UMAD1: variants seen among roughly 807,000 people sequenced by gnomAD.
UMAD1 encodes UBAP1-MVB12-associated (UMA)-domain containing protein 1.
A neutral mutation model predicts 6.1 loss-of-function variants in UMAD1; 8 were observed. That is an observed-to-expected ratio of 1.30 (90% CI 0.76 to 2.35). The LOEUF is 2.35. Among genes scored for constraint, UMAD1 ranks in the 30% most tolerant of loss-of-function variants. UMAD1 has a pLI of 0.00. For synonymous variants in UMAD1, 56 were observed against 31.4 expected, an observed-to-expected ratio of 1.78 and a Z score of -2.61; for missense variants, 130 against 78.4, an observed-to-expected ratio of 1.66 and a Z score of -2.49.
intron 2 of UMAD1, among the ~76,000 whole-genome samples, chr7:7,722,217 A>G (rs974596164): frequency 6.7e-6 from 1 of 150,318 alleles, no homozygotes; most frequent in African/African-American, 2.4e-5. Flanking sequence ...ATAGATATAT[A>G]CTATTAGTTC....
intron 2 of UMAD1, among the ~76,000 whole-genome samples, chr7:7,745,378 G>A (rs1196390202): frequency 2.0e-5 from 3 of 152,246 alleles, no homozygotes; most frequent in East Asian, 3.9e-4. Context: ...ATTATATCAC[G>A]ACTTTATTTT....
chr7:7,647,098 GTGTT>G (rs1423010793), intron 1 of UMAD1, among the ~76,000 whole-genome samples: 2 of 152,150 alleles, frequency 1.3e-5, no homozygotes, highest in African/African-American at 4.8e-5. Context: ...TATCTATTGA[GTGTT>G]TGGTAGTGTT....
At position 7,861,349 on chromosome 7, in the gene UMAD1, T is replaced by G. The variant is rs1784112350; in HGVS notation, c.157-15932T>G. Among the ~76,000 whole-genome samples, 3 of 152,264 alleles carry G rather than the reference T, an allele frequency of 2.0e-5. No individual in the cohort carries two copies. The South Asian group carries it at 6.2e-4, about 31-fold the overall frequency. On this transcript the variant is annotated intron_variant, in intron 3 of 3. Transcript: ENST00000682710. ...CAAGAAGGGACTCAGCCTCCTGCCATTCTGAATGGCCACTTCATCCTCATA... is the reference window on the plus strand; with the variant it reads ...CAAGAAGGGACTCAGCCTCCTGCCAGTCTGAATGGCCACTTCATCCTCATA...
At chr7:7,742,326 T>G (rs755250352) in intron 2 of UMAD1, 5 of 619,556 alleles carry the variant, frequency 8.1e-6, no homozygotes. Context: ...AATTTGATAG[T>G]GTAGTGGTTA....
At chr7:7,658,350 G>T (rs894580225) in intron 1 of UMAD1, among the ~76,000 whole-genome samples, 1 of 152,204 alleles carries the variant, frequency 6.6e-6, no homozygotes, top group Non-Finnish European at 1.5e-5. Flanking sequence ...ATACTGTGTT[G>T]AATAGGAGTG....
intron 2 of UMAD1, among the ~76,000 whole-genome samples, chr7:7,716,731 G>C (rs899178644): frequency 7.2e-5 from 11 of 152,188 alleles, no homozygotes; most frequent in Non-Finnish European, 1.2e-4. Flanking sequence ...GGATCACGAG[G>C]TCAGGAGATC....
At chr7:7,649,990 G>A (rs905643935) in intron 1 of UMAD1, among the ~76,000 whole-genome samples, 1 of 152,194 alleles carries the variant, frequency 6.6e-6, no homozygotes, top group Non-Finnish European at 1.5e-5. Flanking sequence ...CCAGCCTCTA[G>A]GACTGTGAGA....
intron 2 of UMAD1, among the ~76,000 whole-genome samples, chr7:7,758,750 T>C (rs1781829103): frequency 6.6e-6 from 1 of 152,250 alleles, no homozygotes; most frequent in Non-Finnish European, 1.5e-5. Flanking sequence ...TTGATGTTTG[T>C]AGCTCTAGTT....
chr7:7,677,181 T>C (rs893520287), intron 2 of UMAD1, among the ~76,000 whole-genome samples: 1 of 152,198 alleles, frequency 6.6e-6, no homozygotes, highest in Admixed American at 6.5e-5. Flanking sequence ...AGGCATATAA[T>C]GTGTAGTGAT....
At chr7:7,738,992 G>T (rs1167383260) in intron 2 of UMAD1, 1 of 152,186 alleles carries the variant, frequency 6.6e-6, no homozygotes, top group African/African-American at 2.4e-5. Flanking sequence ...ATTCTTGAAA[G>T]AACAGGGAGA....
intron 3 of UMAD1, among the ~76,000 whole-genome samples, chr7:7,865,137 G>T (rs117878717): frequency 0.012 from 1,896 of 152,252 alleles, 20 homozygotes; most frequent in Non-Finnish European, 0.02. Flanking sequence ...TTTGTAAGCT[G>T]CTCTAGCAAA....
intron 1 of UMAD1, among the ~76,000 whole-genome samples, chr7:7,672,867 T>C (rs4725015): frequency 0.87 from 132,861 of 152,170 alleles, 58,121 homozygotes; most frequent in East Asian, 0.97. Context: ...GGATGTTTGA[T>C]GTGTTTTCTT....
At chr7:7,872,069 C>T (rs2115341902) in intron 3 of UMAD1, among the ~76,000 whole-genome samples, 1 of 150,432 alleles carries the variant, frequency 6.6e-6, no homozygotes, top group East Asian at 1.9e-4. Context: ...AAAGTCTGCT[C>T]TACTCAGCCA....
chr7:7,708,149 G>A (rs888577745), intron 2 of UMAD1, among the ~76,000 whole-genome samples: 7 of 152,062 alleles, frequency 4.6e-5, no homozygotes, highest in Non-Finnish European at 7.4e-5. Flanking sequence ...CGACATCCAC[G>A]CCATTATCAT....
chr7:7,869,700 A>G (rs1023901715), intron 3 of UMAD1, among the ~76,000 whole-genome samples: 1 of 152,218 alleles, frequency 6.6e-6, no homozygotes, highest in Non-Finnish European at 1.5e-5. Context: ...GATATAGCTA[A>G]GTAGATGAGG....
At chr7:7,777,366 C>T (rs577731911) in intron 2 of UMAD1, among the ~76,000 whole-genome samples, 3 of 151,090 alleles carry the variant, frequency 2.0e-5, no homozygotes, top group South Asian at 2.1e-4. Flanking sequence ...ATTAGCTGGG[C>T]GTGGTGGTGG....
At chr7:7,657,856 A>G (rs1048613660) in intron 1 of UMAD1, among the ~76,000 whole-genome samples, 6 of 152,252 alleles carry the variant, frequency 3.9e-5, no homozygotes, top group East Asian at 1.9e-4. Flanking sequence ...AAGAAAGTCA[A>G]TGGTAGCTTG....
At chr7:7,669,880 T>C (rs1399470048) in intron 1 of UMAD1, among the ~76,000 whole-genome samples, 1 of 152,194 alleles carries the variant, frequency 6.6e-6, no homozygotes, top group African/African-American at 2.4e-5. Flanking sequence ...CCTGTTTTTT[T>C]CCATGCCTAC....
chr7:7,797,488 C>T (rs760532876), intron 2 of UMAD1, among the ~76,000 whole-genome samples: 1 of 152,136 alleles, frequency 6.6e-6, no homozygotes, highest in African/African-American at 2.4e-5. Context: ...TCAGACAAGC[C>T]TCCTCTGGGT....
Sources: allele counts gnomAD v4.1 joint callset (sites outside exome capture counted in the v4.1 genomes callset), GRCh38; gene constraint gnomAD v4.1.1; transcripts MANE v1.5; gene names NCBI Gene and HGNC (gene_info 2026-07-23, HGNC 2026-07-21).